Variants in CFDP1 observed in about 807,000 individuals in gnomAD.
The protein encoded by CFDP1 is chromatin remodeling protein CFDP1.
In CFDP1, 31 loss-of-function variants were observed where a neutral mutation model predicts 40.1. The observed-to-expected ratio is 0.77, with a 90% CI of 0.58 to 1.04. The LOEUF is 1.04. CFDP1 is among the 50% of genes least tolerant of loss of function. CFDP1 has a pLI of 0.00. For missense variants in CFDP1, 423 were observed against 343.4 expected, an observed-to-expected ratio of 1.23 and a Z score of -1.83; for synonymous variants, 167 against 120.0, an observed-to-expected ratio of 1.39 and a Z score of -2.56.
intron 5 of CFDP1, among the ~76,000 whole-genome samples, chr16:75,374,404 T>A (rs899536175): frequency 2.0e-5 from 3 of 152,170 alleles, no homozygotes; most frequent in Non-Finnish European, 4.4e-5. Flanking sequence ...CTTAGATTAC[T>A]CCATTTATAT....
intron 5 of CFDP1, among the ~76,000 whole-genome samples, chr16:75,339,008 G>A (rs1489028433): frequency 6.6e-6 from 1 of 152,070 alleles, no homozygotes; most frequent in African/African-American, 2.4e-5. Flanking sequence ...TGGGCACTCA[G>A]TGTTCCCTTT....
chr16:75,403,114 C>T (rs940425278), intron 4 of CFDP1, among the ~76,000 whole-genome samples: 19 of 152,144 alleles, frequency 1.2e-4, no homozygotes, highest in African/African-American at 4.1e-4. Flanking sequence ...CCATCAAGGA[C>T]ATTTAAAATT....
intron 5 of CFDP1, among the ~76,000 whole-genome samples, chr16:75,318,217 C>G (rs2078337333): frequency 6.6e-6 from 1 of 152,094 alleles, no homozygotes; most frequent in Non-Finnish European, 1.5e-5. Flanking sequence ...CTGTGCTGGT[C>G]TGACGGCTGG....
intron 5 of CFDP1, among the ~76,000 whole-genome samples, chr16:75,328,458 T>G (rs2078419961): frequency 6.9e-6 from 1 of 145,660 alleles, no homozygotes. Flanking sequence ...AATAGCTGGG[T>G]GTGGTGGCAG....
At chr16:75,412,321 T>C (rs926111808) in intron 3 of CFDP1, among the ~76,000 whole-genome samples, 5 of 152,218 alleles carry the variant, frequency 3.3e-5, no homozygotes, top group African/African-American at 1.2e-4. Context: ...AGTCAGCCTA[T>C]AGCTACTCTT....
chr16:75,396,272 G>A lies in CFDP1; in HGVS notation c.531-1063C>T, dbSNP rs1235644634. ...AAATTTGAGGAGACCAGGCACAGTG[G>A]CCCATGCCTGTAATCCCAGCACTTT... On this transcript the variant is annotated intron_variant, in intron 4 of 6. Coordinates refer to ENST00000283882, the MANE Select transcript of CFDP1 (RefSeq NM_006324.3). Among the ~76,000 whole-genome samples, 2 of 104,640 alleles carry A rather than the reference G, an allele frequency of 1.9e-5. 1 individual carries two copies. The highest frequency in any genetic ancestry group is 4.6e-5 in the Non-Finnish European group (2 of 43,506). 68.6% of individuals were successfully genotyped at this position (104,640 alleles called of 152,430 possible). A position where few individuals can be genotyped will look rare whatever the true frequency, so the allele number is the denominator to read the frequency against.
intron 1 of CFDP1, among the ~76,000 whole-genome samples, chr16:75,418,613 C>CT (rs2079238526): frequency 6.6e-6 from 1 of 151,764 alleles, no homozygotes; most frequent in African/African-American, 2.4e-5. Flanking sequence ...CCGGCTAACC[C>CT]TTTTTAAGTA....
rs1040755730 is a variant in CFDP1, at chr16:75,408,107, AAAGG to A, written c.530+3714_530+3717del. 2.6e-4 allele frequency among the ~76,000 whole-genome samples: 39 copies of A among 151,730 alleles called. 1 individual carries two copies. The East Asian group carries it at 5.8e-3, about 23-fold the overall frequency. On this transcript the variant is annotated intron_variant, in intron 4 of 6. Coordinates refer to ENST00000283882, the MANE Select transcript of CFDP1 (RefSeq NM_006324.3). The stretch of plus-strand genomic sequence containing the variant: ...TGACAAAGAGAGACTCTGTCTCAAA[AAAGG>A]AAGGAAGGAAGGAAGGGAGAGAGGG...
chr16:75,329,379 T>C (rs2078428284), intron 5 of CFDP1, among the ~76,000 whole-genome samples: 2 of 152,168 alleles, frequency 1.3e-5, no homozygotes, highest in Admixed American at 1.3e-4. Flanking sequence ...CAGGACTGAG[T>C]CAGGCAATTG....
chr16:75,427,888 A>T (rs1459194182), intron 1 of CFDP1, among the ~76,000 whole-genome samples: 1 of 152,258 alleles, frequency 6.6e-6, no homozygotes, highest in Non-Finnish European at 1.5e-5. Flanking sequence ...CATATAATGG[A>T]CTACCACCCA....
chr16:75,345,345 C>T (rs1365966562), intron 5 of CFDP1, among the ~76,000 whole-genome samples: 11 of 151,966 alleles, frequency 7.2e-5, no homozygotes, highest in Non-Finnish European at 4.4e-5. Context: ...TAGTCCCAGC[C>T]ACTCAGGAGG....
chr16:75,412,359 G>T (rs7206589), intron 3 of CFDP1, among the ~76,000 whole-genome samples, 176 bp downstream of exon 3: 33,463 of 152,110 alleles, frequency 0.22, 4,060 homozygotes, highest in African/African-American at 0.32. Context: ...CCAGTTAAAG[G>T]CCTATTGGAA....
intron 5 of CFDP1, among the ~76,000 whole-genome samples, chr16:75,308,597 G>T (rs1270679282): frequency 1.3e-5 from 2 of 152,182 alleles, no homozygotes; most frequent in South Asian, 4.1e-4. Flanking sequence ...ACCAATTCAT[G>T]GAAGAGAATC....
chr16:75,362,906 G>T (rs1240763788), intron 5 of CFDP1: 2 of 152,150 alleles, frequency 1.3e-5, no homozygotes. Flanking sequence ...TCCAGCTGAG[G>T]TTTTGTTATT....
At chr16:75,329,005 C>T (rs1240586797) in intron 5 of CFDP1, among the ~76,000 whole-genome samples, 1 of 151,988 alleles carries the variant, frequency 6.6e-6, no homozygotes, top group Non-Finnish European at 1.5e-5. Context: ...CGCCACCATG[C>T]CTGGCTAATT....
chr16:75,352,996 A>C (rs1287241254), intron 5 of CFDP1, among the ~76,000 whole-genome samples: 2 of 152,232 alleles, frequency 1.3e-5, no homozygotes, highest in African/African-American at 4.8e-5. Flanking sequence ...ACAGAGGAAC[A>C]TGTTAAACTC....
At chr16:75,402,421 T>C (rs1023162102) in intron 4 of CFDP1, among the ~76,000 whole-genome samples, 1 of 152,180 alleles carries the variant, frequency 6.6e-6, no homozygotes, top group African/African-American at 2.4e-5. Flanking sequence ...GGTTATGTGA[T>C]AGGGCAGAAT....
At chr16:75,433,023 G>A (rs1039375680) in intron 1 of CFDP1, among the ~76,000 whole-genome samples, 6 of 152,344 alleles carry the variant, frequency 3.9e-5, no homozygotes, top group South Asian at 2.1e-4. Flanking sequence ...CTAGCGACAA[G>A]GGGCCGTGTC....
At chr16:75,355,700 C>G (rs1597350899) in intron 5 of CFDP1, among the ~76,000 whole-genome samples, 1 of 152,122 alleles carries the variant, frequency 6.6e-6, no homozygotes, top group South Asian at 2.1e-4. Context: ...ATGCTGTTCT[C>G]ATGATAATGA....
Sources: allele counts gnomAD v4.1 joint callset (sites outside exome capture counted in the v4.1 genomes callset), GRCh38; gene constraint gnomAD v4.1.1; transcripts MANE v1.5; gene names NCBI Gene and HGNC (gene_info 2026-07-23, HGNC 2026-07-21).